The following GLRA2 variants were observed in gnomAD, a reference collection of about 807,000 sequenced individuals.
GLRA2 encodes glycine receptor subunit alpha-2.
Under a neutral mutation model 31.6 loss-of-function variants are expected in GLRA2, and 11 were observed. That is an observed-to-expected ratio of 0.35 (90% CI 0.22 to 0.58). GLRA2 has a LOEUF of 0.58. Ranked by LOEUF, GLRA2 falls within the 20% of genes least tolerant of loss-of-function variation. The pLI, the probability that GLRA2 is intolerant of heterozygous loss-of-function variation, is 0.84. For synonymous variants in GLRA2, 132 were observed against 134.0 expected (o/e 0.99, Z 0.10); for missense variants, 212 against 351.8 (o/e 0.60, Z 3.18).
the GLRA2 span, among the ~76,000 whole-genome samples, chrX:14,473,169 CT>C: frequency 9.0e-6 from 1 of 111,700 alleles, no homozygotes; most frequent in Admixed American, 9.5e-5. Context: ...AATTGGAAGA[CT>C]TTTTTTCCTT....
the GLRA2 span, among the ~76,000 whole-genome samples, chrX:14,449,609 T>A: frequency 8.9e-6 from 1 of 111,969 alleles, no homozygotes; most frequent in Admixed American, 9.4e-5. Context: ...TGCCATCCCC[T>A]CCCAAGACTA....
intron 7 of GLRA2, among the ~76,000 whole-genome samples, chrX:14,624,030 A>T (rs1365482934): frequency 1.8e-5 from 2 of 111,225 alleles, no homozygotes; most frequent in African/African-American, 3.3e-5. Flanking sequence ...AGAGCCTGTC[A>T]TTGGTCTATT....
At chrX:14,630,161 G>A (rs1170932738) in intron 7 of GLRA2, among the ~76,000 whole-genome samples, 11 of 111,011 alleles carry the variant, frequency 9.9e-5, no homozygotes, top group Non-Finnish European at 1.5e-4. Flanking sequence ...GCTTTTATAC[G>A]TCTGAAAAGT....
chrX:14,523,389 A>G, the GLRA2 span, among the ~76,000 whole-genome samples: 8 of 112,152 alleles, frequency 7.1e-5, no homozygotes, highest in African/African-American at 1.3e-4. Flanking sequence ...AGCTTTCTCC[A>G]TATCAGCGAT....
intron 7 of GLRA2, among the ~76,000 whole-genome samples, chrX:14,680,525 A>G (rs1394311777): frequency 2.7e-5 from 3 of 112,087 alleles, no homozygotes; most frequent in Non-Finnish European, 5.6e-5. Context: ...ACAGGGGAAG[A>G]TGTGAGCTCA....
chrX:14,555,054 G>A (rs909546101), intron 2 of GLRA2, among the ~76,000 whole-genome samples: 31 of 111,916 alleles, frequency 2.8e-4, no homozygotes, highest in African/African-American at 9.7e-4. Context: ...CCAATAAGGG[G>A]GAATTAGACT....
At chrX:14,493,329 A>G in the GLRA2 span, among the ~76,000 whole-genome samples, 1 of 109,719 alleles carries the variant, frequency 9.1e-6, no homozygotes, top group Non-Finnish European at 1.9e-5. Flanking sequence ...ACTATTCCAT[A>G]ATAAAAAAGG....
intron 7 of GLRA2, among the ~76,000 whole-genome samples, chrX:14,614,093 A>C (rs907613058): frequency 2.7e-5 from 3 of 111,413 alleles, no homozygotes; most frequent in African/African-American, 9.8e-5. Context: ...TGCCTTGAAA[A>C]TGTACAGCGA....
the GLRA2 span, among the ~76,000 whole-genome samples, chrX:14,469,611 T>C: frequency 1.9e-4 from 19 of 100,396 alleles, no homozygotes; most frequent in African/African-American, 5.5e-4. Context: ...AACCAAACAC[T>C]GCATATTCTC....
the GLRA2 span, among the ~76,000 whole-genome samples, chrX:14,500,335 A>T: frequency 8.9e-6 from 1 of 112,396 alleles, no homozygotes; most frequent in South Asian, 3.6e-4. Flanking sequence ...TCCAACCCAA[A>T]TGGGAAAGTT....
chrX:14,634,000 G>A (rs1415775940), intron 7 of GLRA2, among the ~76,000 whole-genome samples: 1 of 111,463 alleles, frequency 9.0e-6, no homozygotes, highest in Non-Finnish European at 1.9e-5. Flanking sequence ...CCAGGCTGGA[G>A]TGCAATAGTA....
chrX:14,521,985 T>C, the GLRA2 span, among the ~76,000 whole-genome samples: 1 of 111,926 alleles, frequency 8.9e-6, no homozygotes, highest in African/African-American at 3.2e-5. Context: ...GGGTTGGCTG[T>C]GACAGTTTCT....
At chrX:14,588,049 T>A (rs1363400270) in intron 4 of GLRA2, among the ~76,000 whole-genome samples, 2 of 110,414 alleles carry the variant, frequency 1.8e-5, no homozygotes, top group Non-Finnish European at 3.8e-5. Context: ...TTGGATTATA[T>A]GTGCATGCCA....
chrX:14,562,691 T>G (rs780632810), intron 2 of GLRA2, among the ~76,000 whole-genome samples: 1 of 112,262 alleles, frequency 8.9e-6, no homozygotes, highest in East Asian at 2.8e-4. Flanking sequence ...TCACTGCATT[T>G]TCACATGGTC....
chrX:14,697,975 CAA>C (rs967227141), intron 8 of GLRA2, among the ~76,000 whole-genome samples: 13 of 111,537 alleles, frequency 1.2e-4, no homozygotes, highest in African/African-American at 4.2e-4. Context: ...TTGCCACTAT[CAA>C]AATTGTCCTT....
intron 1 of GLRA2, among the ~76,000 whole-genome samples, chrX:14,531,559 G>C (rs1199608678): frequency 9.0e-6 from 1 of 110,900 alleles, no homozygotes. Context: ...ATATTTTTTA[G>C]AGAGTCAACA....
chrX:14,493,719 A>ATACACGTATATATG, the GLRA2 span, among the ~76,000 whole-genome samples: 58 of 96,096 alleles, frequency 6.0e-4, 1 homozygote, highest in African/African-American at 2.4e-3. Flanking sequence ...ATGTATACAT[A>ATACACGTATATATG]TATACGTGTA....
chrX:14,560,024 G>A (rs2089705687), intron 2 of GLRA2, among the ~76,000 whole-genome samples: 1 of 111,367 alleles, frequency 9.0e-6, no homozygotes, highest in Non-Finnish European at 1.9e-5. Context: ...AAGAAACAGT[G>A]CTTACTCATG....
intron 7 of GLRA2, among the ~76,000 whole-genome samples, chrX:14,615,981 G>T (rs1364238878): frequency 9.0e-6 from 1 of 111,009 alleles, no homozygotes; most frequent in Admixed American, 9.6e-5. Flanking sequence ...TATAAAATTG[G>T]TTTTTAAACA....
Sources: allele counts gnomAD v4.1 joint callset (sites outside exome capture counted in the v4.1 genomes callset), GRCh38; gene constraint gnomAD v4.1.1; transcripts MANE v1.5; gene names NCBI Gene and HGNC (gene_info 2026-07-23, HGNC 2026-07-21).